The following SATB2 variants were observed in gnomAD, a reference collection of about 807,000 sequenced individuals.
SATB2 encodes SATB homeobox 2.
A neutral mutation model predicts 73.4 loss-of-function variants in SATB2; 1 was observed. The observed-to-expected ratio is 0.01, with a 90% CI of 0.00 to 0.06. The LOEUF is 0.06. Among genes scored for constraint, SATB2 ranks in the 10% least tolerant of loss-of-function variants. The probability of loss-of-function intolerance (pLI) is 1.00; values close to 1 mark genes in which losing one functional copy is unlikely to be tolerated. For synonymous variants in SATB2, 397 were observed against 367.0 expected (o/e 1.08, Z -0.93); for missense variants, 459 against 945.8 (o/e 0.49, Z 6.75).
chr2:199,367,772 T>C (rs900722381), intron 6 of SATB2, among the ~76,000 whole-genome samples: 1 of 152,130 alleles, frequency 6.6e-6, no homozygotes, highest in African/African-American at 2.4e-5. Flanking sequence ...GGGACCCTGG[T>C]AGGTAACATT....
At position 199,455,654 on chromosome 2, in the gene SATB2, A is replaced by C. The variant is rs1692250344; in HGVS notation, c.169+215T>G. On this transcript the variant is annotated intron_variant, in intron 2 of 10. Coordinates refer to ENST00000417098, the MANE Select transcript of SATB2 (RefSeq NM_001172509.2). The surrounding 1 kb of genome is among the most constrained non-coding windows in gnomAD (Gnocchi z 4.1). ...CTCAGCACACAGTGGCAAAATGCCC[A>C]AAAAATGCCACCCTCTGGGTAAAAC... 6.6e-6 allele frequency among the ~76,000 whole-genome samples: 1 copy of C among 152,244 alleles called. No homozygotes were observed. Among genetic ancestry groups the C allele is most frequent in the Non-Finnish European group, 1.5e-5 (1 of 68,028 alleles).
rs533503006 is a variant in SATB2, at chr2:199,456,129, G to A, written c.-59-33C>T. ...GGGGGTGGGGGGAGGAAGGGGGAGGGAGAAAAAAGAGGGAAAACCGCTCAT... is the reference window on the plus strand; with the variant it reads ...GGGGGTGGGGGGAGGAAGGGGGAGGAAGAAAAAAGAGGGAAAACCGCTCAT... On this transcript the variant is annotated intron_variant, in intron 1 of 10. Coordinates refer to ENST00000417098, the MANE Select transcript of SATB2 (RefSeq NM_001172509.2). The A allele has an allele frequency of 9.1e-4, 575 of 634,644 alleles. 7 individuals carry two copies. Among genetic ancestry groups the A allele is most frequent in the Non-Finnish European group, 1.3e-3 (486 of 382,960 alleles). 39.3% of individuals were successfully genotyped at this position (634,644 alleles called of 1,614,324 possible). A position where few individuals can be genotyped will look rare whatever the true frequency, so the allele number is the denominator to read the frequency against.
At chr2:199,410,450 T>C (rs1237195147) in intron 3 of SATB2, among the ~76,000 whole-genome samples, 3 of 152,246 alleles carry the variant, frequency 2.0e-5, no homozygotes, top group Non-Finnish European at 2.9e-5. Flanking sequence ...TCAGTACAGA[T>C]AACTTCACAA....
chr2:199,338,191 CTG>C (rs1266122558), intron 7 of SATB2, among the ~76,000 whole-genome samples: 2 of 152,034 alleles, frequency 1.3e-5, no homozygotes, highest in East Asian at 3.9e-4. Flanking sequence ...TGAGGAAACC[CTG>C]TCTCTATTAA....
chr2:199,409,181 T>G (rs1187585110), intron 3 of SATB2, among the ~76,000 whole-genome samples: 7 of 138,364 alleles, frequency 5.1e-5, no homozygotes, highest in African/African-American at 1.8e-4. Context: ...TTTTTTTTTT[T>G]TTTTTGAGAC....
chr2:199,360,507 T>G (rs1227732977), intron 6 of SATB2, among the ~76,000 whole-genome samples: 1 of 152,138 alleles, frequency 6.6e-6, no homozygotes, highest in Non-Finnish European at 1.5e-5. Flanking sequence ...CTTCATGGCA[T>G]GAGCTGCCCA....
At chr2:199,358,769 T>G (rs1689057323) in intron 6 of SATB2, among the ~76,000 whole-genome samples, 1 of 152,118 alleles carries the variant, frequency 6.6e-6, no homozygotes, top group South Asian at 2.1e-4. Context: ...ATAAAGTAAC[T>G]CAAATGTGGA....
At chr2:199,409,072 C>T (rs758519525) in intron 3 of SATB2, among the ~76,000 whole-genome samples, 10 of 151,544 alleles carry the variant, frequency 6.6e-5, no homozygotes, top group African/African-American at 9.7e-5. Context: ...CTTCAGTAGA[C>T]GGGAGGGTAT....
intron 9 of SATB2, among the ~76,000 whole-genome samples, chr2:199,323,474 C>CATATATAT (rs139535802): frequency 2.9e-5 from 4 of 138,502 alleles, no homozygotes; most frequent in African/African-American, 1.1e-4. Flanking sequence ...AAGTTTTGTT[C>CATATATAT]ATACACACAC....
chr2:199,465,110 T>C (rs565681011), upstream of SATB2: 1 of 152,248 alleles, frequency 6.6e-6, no homozygotes, highest in South Asian at 2.1e-4. Context: ...CTCTCTCTCT[T>C]TCTCATTCAG....
At chr2:199,422,187 G>A (rs1005092640) in intron 3 of SATB2, among the ~76,000 whole-genome samples, 3 of 151,958 alleles carry the variant, frequency 2.0e-5, no homozygotes, top group Non-Finnish European at 4.4e-5. Context: ...CCTCCACTAC[G>A]TAAAAGTATG....
At chr2:199,309,059 A>T in intron 9 of SATB2, 102 bp from the exon 10 acceptor site, 2 of 1,009,734 alleles carry the variant, frequency 2.0e-6, no homozygotes, top group Non-Finnish European at 3.1e-6. Context: ...TTTTTCTGTC[A>T]AAATTGTTCC....
At chr2:199,390,326 T>C (rs922035929) in intron 3 of SATB2, among the ~76,000 whole-genome samples, 1 of 152,162 alleles carries the variant, frequency 6.6e-6, no homozygotes, top group Non-Finnish European at 1.5e-5. Flanking sequence ...AAAAGTGTGA[T>C]GAGAAATTAT....
At chr2:199,399,545 C>T (rs1429195691) in intron 3 of SATB2, among the ~76,000 whole-genome samples, 1 of 152,120 alleles carries the variant, frequency 6.6e-6, no homozygotes, top group Non-Finnish European at 1.5e-5. Flanking sequence ...CAAAGAAATA[C>T]CTGAGACTGG....
chr2:199,303,333 A>C (rs2105760784), intron 10 of SATB2, among the ~76,000 whole-genome samples: 1 of 152,328 alleles, frequency 6.6e-6, no homozygotes, highest in African/African-American at 2.4e-5. Flanking sequence ...CCTGGCTCTC[A>C]AAAAGGCTAC....
At chr2:199,438,109 A>G (rs1379611102) in intron 2 of SATB2, among the ~76,000 whole-genome samples, 1 of 152,182 alleles carries the variant, frequency 6.6e-6, no homozygotes, top group Non-Finnish European at 1.5e-5. Context: ...AACAAAAACA[A>G]ATAAAATAAA....
At chr2:199,336,122 T>C (rs1688331245) in intron 7 of SATB2, among the ~76,000 whole-genome samples, 2 of 152,140 alleles carry the variant, frequency 1.3e-5, no homozygotes, top group Admixed American at 6.6e-5. Flanking sequence ...GTAATGATTA[T>C]CCCTTCCTCC....
intron 10 of SATB2, among the ~76,000 whole-genome samples, chr2:199,276,215 C>T (rs1374138874): frequency 2.6e-5 from 4 of 152,208 alleles, no homozygotes; most frequent in Non-Finnish European, 5.9e-5. Flanking sequence ...AAATCCTCTT[C>T]TAAAATCCTC....
chr2:199,285,843 G>GAA (rs1288181616), intron 10 of SATB2, among the ~76,000 whole-genome samples: 3 of 145,212 alleles, frequency 2.1e-5, no homozygotes, highest in South Asian at 4.3e-4. Flanking sequence ...GTCTGACATG[G>GAA]AAATATGTGT....
Sources: allele counts gnomAD v4.1 joint callset (sites outside exome capture counted in the v4.1 genomes callset), GRCh38; gene constraint gnomAD v4.1.1; non-coding constraint Gnocchi (gnomAD v3.1); transcripts MANE v1.5; gene names NCBI Gene and HGNC (gene_info 2026-07-23, HGNC 2026-07-21).